Variants in TMEM184A observed in about 807,000 individuals in gnomAD.
TMEM184A encodes the protein transmembrane protein 184A, also known as sexually dimorphic, expressed in male gonads 1.
TMEM184A carries 40 observed loss-of-function variants against 39.5 expected under a neutral mutation model. The observed-to-expected ratio is 1.01, with a 90% CI of 0.79 to 1.32. TMEM184A has a LOEUF of 1.32. Ranked by LOEUF, TMEM184A falls within the 40% of genes most tolerant of loss-of-function variation. TMEM184A has a pLI of 0.00. For missense variants in TMEM184A, 603 were observed against 568.8 expected, an observed-to-expected ratio of 1.06 and a Z score of -0.61; for synonymous variants, 280 against 252.3, an observed-to-expected ratio of 1.11 and a Z score of -1.04.
Position 1,555,428 on chromosome 7 carries a change from G to A in TMEM184A, c.57C>T (p.Asn19=), listed in dbSNP as rs763059611. 1 of 1,611,380 alleles carries A rather than the reference G, an allele frequency of 6.2e-7. No homozygotes were observed. The highest frequency in any genetic ancestry group is 1.1e-5 in the South Asian group (1 of 91,044). ...CCGGTGGGGGGCTGGGCTGCGGCCA[G>A]TTCGCTGACACCAGGGGGACGCCGG... ...ETAGVPLVSA[N]WPQPSPPPAV... is the part of the protein sequence containing the mutation. The change falls in exon 2 of 9, where the codon AAC becomes AAT. Residue 19 remains asparagine (N), a synonymous_variant. Transcript: ENST00000297477. The surrounding 1 kb of genome is among the most constrained non-coding windows in gnomAD (Gnocchi z 5.2).
chr7:1,553,213 C>T (rs1315716729), intron 2 of TMEM184A, among the ~76,000 whole-genome samples: 2 of 151,712 alleles, frequency 1.3e-5, no homozygotes, highest in South Asian at 4.2e-4. Context: ...GGTGCAGTGG[C>T]GCAATCTCAA....
At position 1,546,632 on chromosome 7, in the gene TMEM184A, G is replaced by T. The variant is rs186119804; in HGVS notation, c.*320C>A. The T allele has an allele frequency of 3.6e-4, 111 of 307,518 alleles. No homozygotes were observed. The highest frequency in any genetic ancestry group is 2.2e-3 in the African/African-American group (101 of 46,320). The allele number at this position is 307,518 out of a possible 1,614,324, so 19.0% of individuals were successfully genotyped here. On this transcript the variant is annotated 3_prime_UTR_variant, in exon 9 of 9. Transcript: ENST00000297477. ...CTCCCATGGGGTCCGTGCAGCCAAGGCCCCGCAGCCACACTCACTCTCCGC... is the reference window on the plus strand; with the variant it reads ...CTCCCATGGGGTCCGTGCAGCCAAGTCCCCGCAGCCACACTCACTCTCCGC...
intron 2 of TMEM184A, among the ~76,000 whole-genome samples, chr7:1,554,228 G>A (rs924129769): frequency 3.9e-5 from 6 of 152,108 alleles, no homozygotes; most frequent in Non-Finnish European, 5.9e-5. Context: ...CCCCATGCCC[G>A]GCTAATAAGC....
chr7:1,549,895 G>A lies in TMEM184A; in HGVS notation c.603C>T (p.Ile201=), dbSNP rs1410655822. 2 of 1,612,378 alleles carry A rather than the reference G, an allele frequency of 1.2e-6. No individual in the cohort carries two copies. Among genetic ancestry groups the A allele is most frequent in the Non-Finnish European group, 8.5e-7 (1 of 1,179,338 alleles). The stretch of plus-strand genomic sequence containing the variant: ...GGTATTTGCCAAATGCCTGGAGGAT[G>A]ATGGTGGTGACGGCCATGACGGGCT... The part of the protein sequence containing the change: ...LVKPVMAVTT[I]ILQAFGKYHD... Residue 201 remains isoleucine, a synonymous_variant, in exon 6 of 9, where the codon ATC becomes ATT. Coordinates refer to ENST00000297477, the MANE Select transcript of TMEM184A (RefSeq NM_001097620.2).
Position 1,546,860 on chromosome 7 carries a change from C to G in TMEM184A, c.*92G>C. 1 of 887,804 alleles carries G rather than the reference C, an allele frequency of 1.1e-6. No individual in the cohort carries two copies. Among genetic ancestry groups the G allele is most frequent in the Non-Finnish European group, 1.7e-6 (1 of 603,546 alleles). The allele number at this position is 887,804 out of a possible 1,614,324, so 55.0% of individuals were successfully genotyped here. On this transcript the variant is annotated 3_prime_UTR_variant, in exon 9 of 9. Coordinates refer to ENST00000297477, the MANE Select transcript of TMEM184A (RefSeq NM_001097620.2). The stretch of plus-strand genomic sequence containing the variant: ...AGGTGGGCTCTCAGGAGAGGCCCCA[C>G]CTTTGGCAGGAGTTGGTGGGTGGGG...
chr7:1,550,797 T>C lies in TMEM184A; in HGVS notation c.385+20A>G, dbSNP rs530115097. ...AGTCTCTCCCTCCGCTCCCCCGACCTGACGCAGCCTGGCGCCCACCTTCGT... is the reference window on the plus strand; with the variant it reads ...AGTCTCTCCCTCCGCTCCCCCGACCCGACGCAGCCTGGCGCCCACCTTCGT... On this transcript the variant is annotated intron_variant, in intron 3 of 8. Coordinates refer to ENST00000297477, the MANE Select transcript of TMEM184A (RefSeq NM_001097620.2). The C allele has an allele frequency of 1.2e-6, 2 of 1,610,912 alleles. No homozygotes were observed. The highest frequency in any genetic ancestry group is 1.7e-5 in the Admixed American group (1 of 59,970).
intron 2 of TMEM184A, among the ~76,000 whole-genome samples, chr7:1,553,176 G>A (rs887147826): frequency 2.0e-5 from 3 of 151,322 alleles, no homozygotes; most frequent in Non-Finnish European, 2.9e-5. Flanking sequence ...TTATTGAGAC[G>A]GAGTCTTGCT....
In TMEM184A at chr7:1,550,841, C is replaced by G. The variant is rs766787488; in HGVS notation, c.361G>C (p.Asp121His). 3.7e-6 allele frequency: 6 copies of G among 1,613,284 alleles called. No homozygotes were observed. Among genetic ancestry groups the G allele is most frequent in the Non-Finnish European group, 5.1e-6 (6 of 1,179,934 alleles). Reference protein sequence around the residue: ...LGDHQYYVYFDSVRDCYEAFV... With the variant: ...LGDHQYYVYFHSVRDCYEAFV... ...CCTTCGTAGCAGTCCCGCACAGAGT[C>G]GAAGTAGACGTAGTACTGGTGGTCT... The change falls in exon 3 of 9, where the codon GAC becomes CAC. Residue 121 changes from aspartate (D) to histidine (H), a missense_variant. Asp to His is a moderately conservative substitution (Grantham distance 81, BLOSUM62 -1). Transcript: ENST00000297477.
chr7:1,554,762 C>T (rs754167473), intron 2 of TMEM184A, among the ~76,000 whole-genome samples: 17 of 152,182 alleles, frequency 1.1e-4, no homozygotes, highest in Non-Finnish European at 2.1e-4. Context: ...GGGGAAGTTG[C>T]TTCTCGCCCA....
intron 2 of TMEM184A, among the ~76,000 whole-genome samples, chr7:1,552,915 C>T (rs1784657871): frequency 1.3e-5 from 2 of 152,014 alleles, no homozygotes; most frequent in Admixed American, 6.5e-5. Flanking sequence ...ATTAGCCAGG[C>T]GTGGTGGCGG....
chr7:1,551,923 C>CGA, intron 2 of TMEM184A, among the ~76,000 whole-genome samples: 1 of 151,180 alleles, frequency 6.6e-6, no homozygotes, highest in South Asian at 2.1e-4. Flanking sequence ...GGCGACAGAG[C>CGA]GAGACCCTTT....
At chr7:1,548,283 T>C (rs967008350) in intron 7 of TMEM184A, among the ~76,000 whole-genome samples, 1 of 151,976 alleles carries the variant, frequency 6.6e-6, no homozygotes, top group African/African-American at 2.4e-5. Flanking sequence ...ACACCTGGTG[T>C]GGCCTCTGTG....
rs1784603445 is a variant in TMEM184A at position 1,551,660 on chromosome 7, G to T, written c.220-678C>A. Among the ~76,000 whole-genome samples the T allele has an allele frequency of 1.3e-5, 2 of 152,096 alleles. 1 individual carries two copies. Among genetic ancestry groups the T allele is most frequent in the South Asian group, 4.1e-4 (2 of 4,832 alleles). On this transcript the variant is annotated intron_variant, in intron 2 of 8. Coordinates refer to ENST00000297477, the MANE Select transcript of TMEM184A (RefSeq NM_001097620.2). ...TTGAATAATTGACTTTTTATGGCCGGGTGCAGTGGCTCACACCTATAATCC... is the reference window on the plus strand; with the variant it reads ...TTGAATAATTGACTTTTTATGGCCGTGTGCAGTGGCTCACACCTATAATCC...
chr7:1,552,446 C>A (rs1315184795), intron 2 of TMEM184A, among the ~76,000 whole-genome samples: 2 of 150,044 alleles, frequency 1.3e-5, no homozygotes, highest in South Asian at 2.1e-4. Flanking sequence ...AATGTACTCT[C>A]TTGGCAATTT....
At chr7:1,547,234 C>T (rs866800414) in intron 8 of TMEM184A, 53 bp from the exon 9 acceptor site, 177 of 1,035,698 alleles carry the variant, frequency 1.7e-4, no homozygotes, top group Middle Eastern at 3.1e-4. Context: ...TCCAGCTCCC[C>T]GGACAAGTCC....
intron 7 of TMEM184A, 142 bp from the exon 8 acceptor site, chr7:1,548,081 CA>C (rs1784420170): frequency 8.3e-6 from 8 of 964,230 alleles, no homozygotes; most frequent in Non-Finnish European, 9.1e-6. Flanking sequence ...GACTGAGGTT[CA>C]GGGGGGCAGG....
chr7:1,548,746 C>A (rs753831491), intron 6 of TMEM184A, 58 bp from the exon 7 acceptor site: 1 of 1,581,910 alleles, frequency 6.3e-7, no homozygotes, highest in South Asian at 1.1e-5. Context: ...CTGTCCCCAC[C>A]CTAGAGCCAC....
intron 2 of TMEM184A, among the ~76,000 whole-genome samples, chr7:1,553,575 G>T (rs928384271): frequency 1.3e-5 from 2 of 152,218 alleles, no homozygotes; most frequent in African/African-American, 4.8e-5. Context: ...AGGTGCATGC[G>T]TGGCGGTGGG....
intron 2 of TMEM184A, 122 bp from the exon 3 acceptor site, chr7:1,551,104 G>A (rs1306360101): frequency 1.6e-5 from 19 of 1,198,794 alleles, no homozygotes; most frequent in South Asian, 7.5e-5. Context: ...AGGTCCACCC[G>A]GTACCCCTGC....
Sources: gnomAD v4.1 joint callset for allele counts (sites outside exome capture counted in the v4.1 genomes callset) on GRCh38, gnomAD v4.1.1 for gene constraint, Gnocchi (gnomAD v3.1) non-coding constraint, MANE v1.5 for transcripts, NCBI Gene and HGNC (gene_info 2026-07-23, HGNC 2026-07-21) for gene names.